The following SLC16A2 variants were observed in gnomAD, a reference collection of about 807,000 sequenced individuals.
SLC16A2 encodes the protein solute carrier family 16 member 2.
A neutral mutation model predicts 27.2 loss-of-function variants in SLC16A2; 3 were observed. That is an observed-to-expected ratio of 0.11 (90% CI 0.05 to 0.28). The LOEUF (loss-of-function observed/expected upper bound fraction) is 0.28. SLC16A2 is among the 10% of genes least tolerant of loss of function. The pLI is 1.00. For synonymous variants in SLC16A2, 202 were observed against 187.8 expected, an observed-to-expected ratio of 1.08 and a Z score of -0.62; for missense variants, 295 against 458.5, an observed-to-expected ratio of 0.64 and a Z score of 3.26.
intron 1 of SLC16A2, among the ~76,000 whole-genome samples, chrX:74,517,650 C>T (rs1265276951): frequency 9.0e-6 from 1 of 111,678 alleles, no homozygotes; most frequent in Non-Finnish European, 1.9e-5. Flanking sequence ...CCCTTTTTTA[C>T]ATGCTCAGTT....
At chrX:74,502,722 G>T (rs963750753) in intron 1 of SLC16A2, among the ~76,000 whole-genome samples, 1 of 111,865 alleles carries the variant, frequency 8.9e-6, no homozygotes, top group African/African-American at 3.3e-5. Context: ...CAGCCAGATG[G>T]TCCCTCTAAC....
intron 1 of SLC16A2, among the ~76,000 whole-genome samples, chrX:74,424,913 C>G (rs901271290): frequency 7.1e-5 from 8 of 111,947 alleles, no homozygotes; most frequent in African/African-American, 2.6e-4. Flanking sequence ...GGTTGGAGTG[C>G]AGTGGCGCAG....
intron 1 of SLC16A2, among the ~76,000 whole-genome samples, chrX:74,503,054 T>C (rs148234816): frequency 1.3e-3 from 143 of 109,514 alleles, no homozygotes; most frequent in African/African-American, 4.6e-3. Flanking sequence ...GGAAATGTGT[T>C]TGCAACCTTT....
chrX:74,476,110 T>A (rs1485438251), intron 1 of SLC16A2, among the ~76,000 whole-genome samples: 2 of 111,864 alleles, frequency 1.8e-5, no homozygotes, highest in Admixed American at 1.9e-4. Flanking sequence ...TTCCTACCCA[T>A]GAGCATGGAA....
intron 1 of SLC16A2, among the ~76,000 whole-genome samples, chrX:74,481,390 G>A (rs191932512): frequency 7.2e-5 from 8 of 111,826 alleles, no homozygotes; most frequent in Admixed American, 1.9e-4. Context: ...CTTTTTACTT[G>A]TTACAGTTAA....
intron 1 of SLC16A2, among the ~76,000 whole-genome samples, chrX:74,520,638 C>T (rs909251286): frequency 3.6e-5 from 4 of 111,709 alleles, no homozygotes; most frequent in African/African-American, 1.3e-4. Context: ...ATCGTCTTCA[C>T]AGGGTTCTTC....
rs746321871 is a variant in SLC16A2, at chrX:74,483,309, T to C, written c.431-37681T>C. Among the ~76,000 whole-genome samples, 3 of 111,861 alleles carry C rather than the reference T, an allele frequency of 2.7e-5. No individual in the cohort carries two copies. The East Asian group carries it at 8.5e-4, about 32-fold the overall frequency. On this transcript the variant is annotated intron_variant, in intron 1 of 5. Coordinates refer to ENST00000587091, the MANE Select transcript of SLC16A2 (RefSeq NM_006517.5). ...CCTCCACTTCTTAATTCCATTAGTGTTTTTAAACAATGCCCTGGGAAATAA... is the reference window on the plus strand; with the variant it reads ...CCTCCACTTCTTAATTCCATTAGTGCTTTTAAACAATGCCCTGGGAAATAA...
rs35510872 is a variant in SLC16A2 at position 74,427,811 on chromosome X, G to GCACA, written c.430+5772_430+5775dup. Among the ~76,000 whole-genome samples the GCACA allele has an allele frequency of 7.8e-3, 792 of 101,689 alleles. 6 individuals are homozygous for GCACA. The highest frequency in any genetic ancestry group is 0.023 in the South Asian group (48 of 2,105). The allele number at this position is 101,689 out of a possible 115,157, so 88.3% of individuals were successfully genotyped here. Reference sequence around the variant, plus strand: ...CGCATGCGCACGCGTGCACGCGCGCGCACACACACACACACACACACACAC... The same window carrying GCACA: ...CGCATGCGCACGCGTGCACGCGCGCGCACACACACACACACACACACACACACAC... On this transcript the variant is annotated intron_variant, in intron 1 of 5. Coordinates refer to ENST00000587091, the MANE Select transcript of SLC16A2 (RefSeq NM_006517.5).
chrX:74,519,570 G>A (rs1312400049), intron 1 of SLC16A2, among the ~76,000 whole-genome samples: 1 of 105,013 alleles, frequency 9.5e-6, no homozygotes, highest in African/African-American at 3.4e-5. Context: ...AAAAAAATTA[G>A]CCGGGCGTGG....
rs1930536188 is a variant in SLC16A2, at chrX:74,529,542, T to C, written c.1399+101T>C. On this transcript the variant is annotated intron_variant, in intron 5 of 5. Transcript: ENST00000587091. Reference sequence around the variant, plus strand: ...CTCCTTGAGGCCCCTTTTCCTCTTATCGTCTATTTAAGCAGCTTTGTCAGA... The same window carrying C: ...CTCCTTGAGGCCCCTTTTCCTCTTACCGTCTATTTAAGCAGCTTTGTCAGA... 16 of 620,034 alleles carry C rather than the reference T, an allele frequency of 2.6e-5. 1 individual carries two copies. In the South Asian group the frequency reaches 4.3e-4, roughly 17 times the overall value. The allele number at this position is 620,034 out of a possible 1,213,427, so 51.1% of individuals were successfully genotyped here. A position where few individuals can be genotyped will look rare whatever the true frequency, so the allele number is the denominator to read the frequency against.
chrX:74,468,683 A>G (rs1161721031), intron 1 of SLC16A2, among the ~76,000 whole-genome samples: 2 of 112,025 alleles, frequency 1.8e-5, no homozygotes, highest in African/African-American at 6.5e-5. Flanking sequence ...AAAAATATTT[A>G]ATTTAATTTT....
rs751862891 is a variant in SLC16A2, at chrX:74,442,877, A to G, written c.430+20810A>G. On this transcript the variant is annotated intron_variant, in intron 1 of 5. Coordinates refer to ENST00000587091, the MANE Select transcript of SLC16A2 (RefSeq NM_006517.5). ...GAGGCTGAGGCAGGAGAATCACTTG[A>G]ACCCAGGAGGCGGAGGTTGCAGTGA... is the stretch of plus-strand genomic sequence containing the variant. Among the ~76,000 whole-genome samples, 3 of 111,977 alleles carry G rather than the reference A, an allele frequency of 2.7e-5. No homozygotes were observed. The South Asian group carries it at 1.1e-3, about 42-fold the overall frequency.
chrX:74,508,084 A>G (rs1345161783), intron 1 of SLC16A2, among the ~76,000 whole-genome samples: 1 of 112,173 alleles, frequency 8.9e-6, no homozygotes, highest in Non-Finnish European at 1.9e-5. Flanking sequence ...GTTTTCCATA[A>G]TGGCTGTACT....
chrX:74,468,269 C>T (rs1929289431), intron 1 of SLC16A2, among the ~76,000 whole-genome samples: 1 of 111,412 alleles, frequency 9.0e-6, no homozygotes, highest in South Asian at 3.8e-4. Context: ...CAAAATCTCC[C>T]CATCACCCCC....
At chrX:74,512,637 G>A (rs930060659) in intron 1 of SLC16A2, among the ~76,000 whole-genome samples, 2 of 112,363 alleles carry the variant, frequency 1.8e-5, no homozygotes, top group African/African-American at 6.5e-5. Flanking sequence ...ACTCAGAGAG[G>A]TTGGCTTTCA....
At chrX:74,482,565 C>A (rs1929640548) in intron 1 of SLC16A2, among the ~76,000 whole-genome samples, 1 of 111,841 alleles carries the variant, frequency 8.9e-6, no homozygotes, top group African/African-American at 3.3e-5. Flanking sequence ...TTTCCTGCCA[C>A]CTGAAGTCTA....
chrX:74,496,980 G>A (rs1602132314), intron 1 of SLC16A2, among the ~76,000 whole-genome samples: 2 of 111,842 alleles, frequency 1.8e-5, no homozygotes, highest in African/African-American at 6.5e-5. Context: ...TTCCTCCACT[G>A]ATGCGCTCCT....
At chrX:74,492,849 T>C (rs1929856816) in intron 1 of SLC16A2, among the ~76,000 whole-genome samples, 1 of 111,185 alleles carries the variant, frequency 9.0e-6, no homozygotes, top group African/African-American at 3.3e-5. Flanking sequence ...TTGGTTTTAA[T>C]CCACCAAGCT....
At position 74,532,658 on chromosome X, in the gene SLC16A2, T is replaced by C. The variant is rs1449636687; in HGVS notation, c.*1105T>C. ...ACCTGGGCCAGGCCAGGAAAGAGAC[T>C]ATTTAAGAAAAAAAAAATCAATTCC... On this transcript the variant is annotated 3_prime_UTR_variant, in exon 6 of 6. Coordinates refer to ENST00000587091, the MANE Select transcript of SLC16A2 (RefSeq NM_006517.5). 9.2e-6 allele frequency: 1 copy of C among 108,161 alleles called. No homozygotes were observed. Among genetic ancestry groups the C allele is most frequent in the Non-Finnish European group, 1.9e-5 (1 of 52,286 alleles). The allele number at this position is 108,161 out of a possible 1,213,427, so 8.9% of individuals were successfully genotyped here. A position where few individuals can be genotyped will look rare whatever the true frequency, so the allele number is the denominator to read the frequency against.
Sources: allele counts gnomAD v4.1 joint callset (sites outside exome capture counted in the v4.1 genomes callset), GRCh38; gene constraint gnomAD v4.1.1; transcripts MANE v1.5; gene names NCBI Gene and HGNC (gene_info 2026-07-23, HGNC 2026-07-21).